RAB38: variants seen among roughly 807,000 people sequenced by gnomAD.
RAB38 encodes ras-related protein Rab-38.
A neutral mutation model predicts 18.4 loss-of-function variants in RAB38; 15 were observed. That is an observed-to-expected ratio of 0.82 (90% CI 0.55 to 1.26). RAB38 has a LOEUF of 1.26. Ranked by LOEUF, RAB38 falls within the 50% of genes most tolerant of loss-of-function variation. RAB38 has a pLI of 0.00. For missense variants in RAB38, 294 were observed against 267.4 expected, an observed-to-expected ratio of 1.10 and a Z score of -0.69; for synonymous variants, 101 against 104.4, an observed-to-expected ratio of 0.97 and a Z score of 0.20.
chr11:88,117,997 C>T (rs564130665), intron 2 of RAB38, among the ~76,000 whole-genome samples: 11 of 152,184 alleles, frequency 7.2e-5, no homozygotes, highest in African/African-American at 2.6e-4. Flanking sequence ...AGTGACTGGC[C>T]CCAAGTCACA....
At chr11:87,835,147 G>A in the RAB38 span, among the ~76,000 whole-genome samples, 1 of 152,226 alleles carries the variant, frequency 6.6e-6, no homozygotes, top group Non-Finnish European at 1.5e-5. Flanking sequence ...AGAAACGAAT[G>A]TATTGGGTGA....
chr11:88,031,160 C>A, the RAB38 span, among the ~76,000 whole-genome samples: 5 of 152,104 alleles, frequency 3.3e-5, no homozygotes, highest in African/African-American at 1.2e-4. Flanking sequence ...CAGAAAAGGC[C>A]TTTGACAAAA....
chr11:87,976,334 T>G, the RAB38 span, among the ~76,000 whole-genome samples: 5,027 of 143,034 alleles, frequency 0.035, 176 homozygotes, highest in South Asian at 0.08. Context: ...TTTTTATATG[T>G]AGGTATATAT....
chr11:88,044,107 G>A, the RAB38 span, among the ~76,000 whole-genome samples: 1 of 152,110 alleles, frequency 6.6e-6, no homozygotes, highest in Non-Finnish European at 1.5e-5. Flanking sequence ...TTTTATCCAT[G>A]GACTCAAAAC....
the RAB38 span, among the ~76,000 whole-genome samples, chr11:88,004,079 G>C: frequency 1.4e-5 from 2 of 142,996 alleles, no homozygotes; most frequent in African/African-American, 2.6e-5. Flanking sequence ...AGAAAAGAAA[G>C]AAAATCAGGT....
At chr11:87,845,764 TA>T in the RAB38 span, among the ~76,000 whole-genome samples, 3 of 151,812 alleles carry the variant, frequency 2.0e-5, no homozygotes, top group Non-Finnish European at 2.9e-5. Context: ...AATTCAAACA[TA>T]AAAAAAGGTC....
chr11:87,839,770 T>TAG, the RAB38 span, among the ~76,000 whole-genome samples: 6 of 152,192 alleles, frequency 3.9e-5, no homozygotes, highest in African/African-American at 1.4e-4. Flanking sequence ...CTAAGAAATT[T>TAG]AGAGAAAATT....
chr11:88,150,503 A>G (rs904257163), intron 1 of RAB38, among the ~76,000 whole-genome samples: 1 of 152,194 alleles, frequency 6.6e-6, no homozygotes. Context: ...TCTAAACAAT[A>G]AACATAATAA....
chr11:87,864,160 T>C, the RAB38 span, among the ~76,000 whole-genome samples: 5 of 151,880 alleles, frequency 3.3e-5, no homozygotes, highest in South Asian at 2.1e-4. Flanking sequence ...TAGGTAGATA[T>C]GTGGACATTT....
the RAB38 span, among the ~76,000 whole-genome samples, chr11:87,896,057 T>G: frequency 6.6e-6 from 1 of 151,720 alleles, no homozygotes; most frequent in African/African-American, 2.4e-5. Flanking sequence ...ATAGATATCA[T>G]GTAATCAAAA....
chr11:88,133,210 A>C (rs1245025388), intron 2 of RAB38, among the ~76,000 whole-genome samples: 1 of 152,200 alleles, frequency 6.6e-6, no homozygotes, highest in Non-Finnish European at 1.5e-5. Context: ...TCACTTGAAC[A>C]ACAGCAGGAG....
chr11:87,941,212 GAGATATATATATATATATATAT>G, the RAB38 span, among the ~76,000 whole-genome samples: 1,334 of 37,802 alleles, frequency 0.035, 70 homozygotes, highest in Non-Finnish European at 0.04. Flanking sequence ...ATAAATATAT[GAGATATATATATATATATATAT>G]ATATATATAT....
chr11:88,166,608 A>G (rs1425124765), intron 1 of RAB38: 2 of 152,116 alleles, frequency 1.3e-5, no homozygotes, highest in East Asian at 3.8e-4. Context: ...ATTATTTTAT[A>G]TAATATACGC....
At chr11:88,004,403 A>G in the RAB38 span, among the ~76,000 whole-genome samples, 3 of 151,220 alleles carry the variant, frequency 2.0e-5, no homozygotes, top group Non-Finnish European at 3.0e-5. Context: ...ACACACAAAA[A>G]AAGCATTTTA....
chr11:87,947,398 T>C, the RAB38 span, among the ~76,000 whole-genome samples: 1 of 152,178 alleles, frequency 6.6e-6, no homozygotes, highest in Non-Finnish European at 1.5e-5. Flanking sequence ...TTTAATTAGA[T>C]CCCATTTGTC....
At chr11:88,029,737 T>C in the RAB38 span, among the ~76,000 whole-genome samples, 1 of 152,008 alleles carries the variant, frequency 6.6e-6, no homozygotes, top group Non-Finnish European at 1.5e-5. Flanking sequence ...AAGCAAGTCC[T>C]GAGTGACCTA....
chr11:88,162,933 C>G (rs558760874), intron 1 of RAB38, among the ~76,000 whole-genome samples: 9 of 152,254 alleles, frequency 5.9e-5, no homozygotes, highest in Admixed American at 1.3e-4. Flanking sequence ...CATCATCCTT[C>G]ACCTAACCAG....
chr11:87,925,277 C>CA, the RAB38 span, among the ~76,000 whole-genome samples: 1 of 151,996 alleles, frequency 6.6e-6, no homozygotes, highest in Non-Finnish European at 1.5e-5. Flanking sequence ...ATTCAAACGC[C>CA]AATTCTTCTA....
chr11:88,164,209 A>G lies in RAB38; in HGVS notation c.202+10974T>C, dbSNP rs1943220558. On this transcript the variant is annotated intron_variant, in intron 1 of 2. Transcript: ENST00000243662. Reference sequence around the variant, plus strand: ...AAAGTTGCACTCTTAAGGAATATCCAGATTCTGCTACAGTTATAACTCCCA... The same window carrying G: ...AAAGTTGCACTCTTAAGGAATATCCGGATTCTGCTACAGTTATAACTCCCA... Among the ~76,000 whole-genome samples, 4 of 148,698 alleles carry G rather than the reference A, an allele frequency of 2.7e-5. No homozygotes were observed. The Admixed American group carries it at 2.8e-4, about 10-fold the overall frequency.
Sources: allele counts gnomAD v4.1 joint callset (sites outside exome capture counted in the v4.1 genomes callset), GRCh38; gene constraint gnomAD v4.1.1; transcripts MANE v1.5; gene names NCBI Gene and HGNC (gene_info 2026-07-23, HGNC 2026-07-21).